Variants in CNTNAP5 observed in about 807,000 individuals in gnomAD.
CNTNAP5 encodes the protein contactin associated protein family member 5, also known as contactin-associated protein-like 5.
A neutral mutation model predicts 150.2 loss-of-function variants in CNTNAP5; 72 were observed. That is an observed-to-expected ratio of 0.48 (90% CI 0.40 to 0.58). The LOEUF (loss-of-function observed/expected upper bound fraction) is 0.58, where lower values mean the gene tolerates loss of function less well. Ranked by LOEUF, CNTNAP5 falls within the 20% of genes least tolerant of loss-of-function variation. The pLI is 0.00. For missense variants in CNTNAP5, 1,636 were observed against 1,626.2 expected, an observed-to-expected ratio of 1.01 and a Z score of -0.10; for synonymous variants, 672 against 619.8, an observed-to-expected ratio of 1.08 and a Z score of -1.25.
intron 13 of CNTNAP5, among the ~76,000 whole-genome samples, chr2:124,738,281 C>T (rs1573584043): frequency 6.6e-6 from 1 of 152,226 alleles, no homozygotes; most frequent in Admixed American, 6.5e-5. Context: ...ATGCTTTTGT[C>T]GTATCAGGGA....
chr2:124,473,624 C>T (rs181548022), intron 6 of CNTNAP5, among the ~76,000 whole-genome samples: 9 of 151,934 alleles, frequency 5.9e-5, no homozygotes. Flanking sequence ...AAGACAGAGA[C>T]AGCTAAAAAG....
intron 2 of CNTNAP5, among the ~76,000 whole-genome samples, chr2:124,239,592 A>G (rs985534094): frequency 3.3e-5 from 5 of 152,192 alleles, no homozygotes; most frequent in Non-Finnish European, 7.3e-5. Context: ...CAAAAATCAG[A>G]AGAGTATAAA....
intron 6 of CNTNAP5, 82 bp from the exon 7 acceptor site, chr2:124,474,657 C>A: frequency 8.0e-7 from 1 of 1,244,592 alleles, no homozygotes; most frequent in African/African-American, 1.5e-5. Context: ...ATTGAATCTA[C>A]CAAAAACGCA....
chr2:124,390,736 C>T (rs756594959), intron 3 of CNTNAP5, among the ~76,000 whole-genome samples: 1 of 151,990 alleles, frequency 6.6e-6, no homozygotes, highest in East Asian at 1.9e-4. Context: ...TTGGCCAAAC[C>T]CTTATACAAA....
intron 19 of CNTNAP5, among the ~76,000 whole-genome samples, chr2:124,862,744 G>A (rs548835245): frequency 6.6e-6 from 1 of 152,322 alleles, no homozygotes; most frequent in East Asian, 1.9e-4. Flanking sequence ...CTGGAAGTTA[G>A]CCTTTCATGG....
At chr2:124,440,455 G>C (rs1375824011) in intron 5 of CNTNAP5, among the ~76,000 whole-genome samples, 2 of 152,088 alleles carry the variant, frequency 1.3e-5, no homozygotes, top group Non-Finnish European at 2.9e-5. Context: ...TGTTTGAACA[G>C]TTAAGATAAG....
intron 19 of CNTNAP5, among the ~76,000 whole-genome samples, chr2:124,823,621 C>A (rs1682534745): frequency 6.6e-6 from 1 of 152,164 alleles, no homozygotes; most frequent in African/African-American, 2.4e-5. Context: ...GTGCCCTTAT[C>A]ACACTAAAGA....
At chr2:124,846,588 C>T (rs1054606627) in intron 19 of CNTNAP5, among the ~76,000 whole-genome samples, 4 of 152,150 alleles carry the variant, frequency 2.6e-5, no homozygotes, top group African/African-American at 9.7e-5. Context: ...GAGATTCCCT[C>T]TTGGTTTGGA....
Position 124,869,768 on chromosome 2 carries a change from T to TAGAACAACATACC in CNTNAP5, c.3436+6_3436+7insAGAACAACATACC. ...CACCTTGGGCAAAGTCACAGGTATG[T>TAGAACAACATACC]TGTTCTAGTTCATACCTTTCCAGTG... On this transcript the variant is annotated splice_region_variant and intron_variant, in intron 21 of 23. Transcript: ENST00000682447. The TAGAACAACATACC allele has an allele frequency of 1.3e-6, 2 of 1,542,254 alleles. No homozygotes were observed. The highest frequency in any genetic ancestry group is 1.8e-6 in the Non-Finnish European group (2 of 1,115,372).
chr2:124,051,219 A>G (rs1681686554), intron 1 of CNTNAP5, among the ~76,000 whole-genome samples: 1 of 152,172 alleles, frequency 6.6e-6, no homozygotes, highest in Non-Finnish European at 1.5e-5. Flanking sequence ...AATACACACA[A>G]ACAGTTCTCA....
intron 22 of CNTNAP5, among the ~76,000 whole-genome samples, chr2:124,909,272 A>G (rs1160535992): frequency 1.3e-5 from 2 of 152,144 alleles, no homozygotes; most frequent in Non-Finnish European, 2.9e-5. Flanking sequence ...TTAGGTACAC[A>G]TATACTCACA....
intron 3 of CNTNAP5, among the ~76,000 whole-genome samples, chr2:124,245,686 A>AAT (rs1220477219): frequency 2.0e-5 from 3 of 149,996 alleles, no homozygotes; most frequent in Admixed American, 1.3e-4. Flanking sequence ...TATACACACA[A>AAT]ATATATATAT....
chr2:124,057,322 C>T (rs1352398574), intron 1 of CNTNAP5, among the ~76,000 whole-genome samples: 1 of 150,272 alleles, frequency 6.7e-6, no homozygotes, highest in Non-Finnish European at 1.5e-5. Context: ...TACTCTGTCA[C>T]CCAGGCTGGA....
intron 12 of CNTNAP5, among the ~76,000 whole-genome samples, chr2:124,646,116 TATAG>T (rs1678197252): frequency 6.6e-6 from 1 of 152,232 alleles, no homozygotes; most frequent in Non-Finnish European, 1.5e-5. Context: ...TATTTTCTTT[TATAG>T]AATTGGAAAA....
intron 13 of CNTNAP5, among the ~76,000 whole-genome samples, chr2:124,738,737 A>G (rs1680438846): frequency 6.6e-6 from 1 of 151,898 alleles, no homozygotes; most frequent in African/African-American, 2.4e-5. Flanking sequence ...TCAAAAAAAA[A>G]AAAAGAAAGA....
intron 3 of CNTNAP5, among the ~76,000 whole-genome samples, chr2:124,371,855 A>G (rs184009393): frequency 3.3e-5 from 5 of 152,236 alleles, no homozygotes; most frequent in Admixed American, 6.5e-5. Flanking sequence ...ACTGGGTAGA[A>G]CTAAGTGTTC....
chr2:124,279,487 C>A (rs1687962822), intron 3 of CNTNAP5, among the ~76,000 whole-genome samples: 1 of 151,788 alleles, frequency 6.6e-6, no homozygotes, highest in Admixed American at 6.6e-5. Context: ...CTATATGTAC[C>A]AGACTCTGTG....
At chr2:124,323,392 T>C (rs1689144063) in intron 3 of CNTNAP5, among the ~76,000 whole-genome samples, 2 of 152,136 alleles carry the variant, frequency 1.3e-5, no homozygotes, top group Non-Finnish European at 2.9e-5. Flanking sequence ...AAATAAAGCT[T>C]AGTACAAGTG....
chr2:124,404,412 C>G (rs542729767), intron 3 of CNTNAP5, among the ~76,000 whole-genome samples: 1 of 152,188 alleles, frequency 6.6e-6, no homozygotes, highest in Non-Finnish European at 1.5e-5. Flanking sequence ...GCTCTGGTGG[C>G]AGCCAGCTCA....
Sources: gnomAD v4.1 joint callset for allele counts (sites outside exome capture counted in the v4.1 genomes callset) on GRCh38, gnomAD v4.1.1 for gene constraint, MANE v1.5 for transcripts, NCBI Gene and HGNC (gene_info 2026-07-23, HGNC 2026-07-21) for gene names.